GABRG1: variants seen among roughly 807,000 people sequenced by gnomAD.
GABRG1 encodes gamma-aminobutyric acid type A receptor subunit gamma1.
In GABRG1, 49 loss-of-function variants were observed where a neutral mutation model predicts 49.8. The observed-to-expected ratio is 0.98, with a 90% CI of 0.78 to 1.25. The LOEUF is 1.25. GABRG1 is among the 50% of genes most tolerant of loss of function. The probability of loss-of-function intolerance (pLI) is 0.00; values close to 1 mark genes in which losing one functional copy is unlikely to be tolerated. For missense variants in GABRG1, 552 were observed against 552.3 expected, an observed-to-expected ratio of 1.00 and a Z score of 0.01; for synonymous variants, 232 against 185.1, an observed-to-expected ratio of 1.25 and a Z score of -2.06.
At position 46,051,411 on chromosome 4, in the gene GABRG1, C is replaced by A; in HGVS notation, c.1131+13G>T. On this transcript the variant is annotated intron_variant, in intron 8 of 8. Coordinates refer to ENST00000295452, the MANE Select transcript of GABRG1 (RefSeq NM_173536.4). ...TGAGGTTTATAAAATAGAAATTTTT[C>A]TTTTTAACATACCGAGGCTTTATTT... 2 of 1,563,910 alleles carry A rather than the reference C, an allele frequency of 1.3e-6. No individual in the cohort carries two copies. Among genetic ancestry groups the A allele is most frequent in the Non-Finnish European group, 1.7e-6 (2 of 1,155,968 alleles).
intron 1 of GABRG1, among the ~76,000 whole-genome samples, chr4:46,109,063 A>C (rs1014939077): frequency 6.6e-6 from 1 of 150,866 alleles, no homozygotes; most frequent in Admixed American, 6.6e-5. Context: ...GTGTCTCCTC[A>C]AGTTTTTAGA....
chr4:46,099,923 G>A (rs1272552043), intron 1 of GABRG1, among the ~76,000 whole-genome samples: 1 of 151,654 alleles, frequency 6.6e-6, no homozygotes, highest in Non-Finnish European at 1.5e-5. Context: ...CCCGCAGTAT[G>A]CAATGAGCAC....
chr4:46,114,800 C>G (rs1441850586), intron 1 of GABRG1, among the ~76,000 whole-genome samples: 2 of 150,806 alleles, frequency 1.3e-5, no homozygotes. Context: ...AAAAAACATA[C>G]TAACTTTCTG....
chr4:46,067,400 C>T (rs1718958293), intron 3 of GABRG1, among the ~76,000 whole-genome samples: 2 of 152,054 alleles, frequency 1.3e-5, no homozygotes, highest in South Asian at 2.1e-4. Flanking sequence ...AAAATATATA[C>T]ACTTATAATT....
intron 5 of GABRG1, among the ~76,000 whole-genome samples, chr4:46,059,897 C>T (rs1353304219): frequency 6.6e-6 from 1 of 152,040 alleles, no homozygotes; most frequent in Non-Finnish European, 1.5e-5. Context: ...TGGATTGCTT[C>T]TTTGAGGAAC....
In GABRG1 at chr4:46,041,262, C is replaced by T; in HGVS notation, c.1132-8G>A. 1.2e-6 allele frequency: 2 copies of T among 1,606,130 alleles called. No homozygotes were observed. Among genetic ancestry groups the T allele is most frequent in the African/African-American group, 2.7e-5 (2 of 74,470 alleles). Reference sequence around the variant, plus strand: ...ATGGAGACCAGGAGTCATCTGAGCACAATAATAAATGAATTTTTGACATCA... The same window carrying T: ...ATGGAGACCAGGAGTCATCTGAGCATAATAATAAATGAATTTTTGACATCA... On this transcript the variant is annotated splice_polypyrimidine_tract_variant and splice_region_variant and intron_variant, in intron 8 of 8. Coordinates refer to ENST00000295452, the MANE Select transcript of GABRG1 (RefSeq NM_173536.4).
chr4:46,090,419 A>G (rs1318199068), intron 2 of GABRG1, among the ~76,000 whole-genome samples: 1 of 152,064 alleles, frequency 6.6e-6, no homozygotes, highest in African/African-American at 2.4e-5. Flanking sequence ...AATGGATTCT[A>G]TTCTACAAAT....
At chr4:46,075,036 C>G (rs1719272890) in intron 3 of GABRG1, among the ~76,000 whole-genome samples, 1 of 151,806 alleles carries the variant, frequency 6.6e-6, no homozygotes, top group South Asian at 2.1e-4. Flanking sequence ...CTCTAAGACT[C>G]TATGATCATG....
chr4:46,094,405 G>A, intron 2 of GABRG1, among the ~76,000 whole-genome samples: 1 of 152,040 alleles, frequency 6.6e-6, no homozygotes, highest in African/African-American at 2.4e-5. Flanking sequence ...CTCTGTAGAA[G>A]ACAGAAGGGA....
At chr4:46,078,168 T>A (rs1055905294) in intron 3 of GABRG1, among the ~76,000 whole-genome samples, 2 of 151,972 alleles carry the variant, frequency 1.3e-5, no homozygotes, top group Non-Finnish European at 2.9e-5. Context: ...AATAAACTTA[T>A]AATAGATTTT....
At chr4:46,085,356 T>C (rs1054071894) in intron 2 of GABRG1, among the ~76,000 whole-genome samples, 8 of 151,548 alleles carry the variant, frequency 5.3e-5, no homozygotes, top group African/African-American at 1.7e-4. Context: ...ATGAGTTACA[T>C]AGAAGCAGAG....
chr4:46,111,839 C>A (rs978060083), intron 1 of GABRG1, among the ~76,000 whole-genome samples: 1 of 151,190 alleles, frequency 6.6e-6, no homozygotes, highest in Non-Finnish European at 1.5e-5. Flanking sequence ...CAAAAATTGA[C>A]TCATGATAGA....
intron 3 of GABRG1, among the ~76,000 whole-genome samples, chr4:46,076,384 T>TAG (rs1333070197): frequency 2.3e-4 from 31 of 136,772 alleles, no homozygotes; most frequent in African/African-American, 7.1e-4. Flanking sequence ...TATATATATA[T>TAG]ATATATATAT....
rs1361962292 is a variant in GABRG1 at position 46,054,730 on chromosome 4, A to G, written c.917-3092T>C. On this transcript the variant is annotated intron_variant, in intron 7 of 8. Coordinates refer to ENST00000295452, the MANE Select transcript of GABRG1 (RefSeq NM_173536.4). ...TGAGACTTTGCTGAAGTTGCTTATC[A>G]GCTTAAGGAGATTTTGGGCTGAGAC... Among the ~76,000 whole-genome samples the G allele has an allele frequency of 1.5e-3, 14 of 9,056 alleles. 1 individual carries two copies. Among genetic ancestry groups the G allele is most frequent in the Non-Finnish European group, 1.9e-3 (9 of 4,808 alleles). The allele number at this position is 9,056 out of a possible 152,430, so 5.9% of individuals were successfully genotyped here. A position where few individuals can be genotyped will look rare whatever the true frequency, so the allele number is the denominator to read the frequency against.
At chr4:46,110,425 G>A (rs1337568737) in intron 1 of GABRG1, among the ~76,000 whole-genome samples, 1 of 150,946 alleles carries the variant, frequency 6.6e-6, no homozygotes, top group Non-Finnish European at 1.5e-5. Flanking sequence ...CAGGTGTCTT[G>A]AAGACAGCAG....
rs780272508 is a variant in GABRG1, at chr4:46,084,045, TG to T, written c.261del (p.Thr88GlnfsTer2). 6.4e-7 allele frequency: 1 copy of T among 1,566,382 alleles called. No individual in the cohort carries two copies. Among genetic ancestry groups the T allele is most frequent in the Non-Finnish European group, 8.7e-7 (1 of 1,143,586 alleles). ...ACATAAACATCAGTTTCAATTACTG[TG>T]GGCCTCACTGCAAAATATCAACAAA... ...NKLRPDIGVRPTVIETDVYVN... is the reference protein window; with the variant it reads ...NKLRPDIGVRXTVIETDVYVN... On this transcript the variant is annotated frameshift_variant, in exon 3 of 9. Transcript: ENST00000295452. LOFTEE classifies it high-confidence loss of function.
chr4:46,063,271 C>T (rs1379674887), intron 5 of GABRG1, among the ~76,000 whole-genome samples: 2 of 151,926 alleles, frequency 1.3e-5, no homozygotes. Flanking sequence ...TCAAACTATA[C>T]TACAAGGCTA....
intron 5 of GABRG1, 52 bp downstream of exon 5, chr4:46,064,389 A>T: frequency 1.1e-6 from 1 of 949,350 alleles, no homozygotes; most frequent in South Asian, 1.7e-5. Context: ...TTTTAAATAA[A>T]CAGCTTCTAA....
chr4:46,088,513 C>T (rs955460047), intron 2 of GABRG1, among the ~76,000 whole-genome samples: 2 of 151,880 alleles, frequency 1.3e-5, no homozygotes, highest in Admixed American at 6.6e-5. Flanking sequence ...CAATGTTGCT[C>T]ATAGTACTGG....
Sources: allele counts gnomAD v4.1 joint callset (sites outside exome capture counted in the v4.1 genomes callset), GRCh38; gene constraint gnomAD v4.1.1; transcripts MANE v1.5; gene names NCBI Gene and HGNC (gene_info 2026-07-23, HGNC 2026-07-21).